The following DNAH11 variants were observed in gnomAD, a reference collection of about 807,000 sequenced individuals.
DNAH11 encodes the protein axonemal beta dynein heavy chain 11.
In DNAH11, 442 loss-of-function variants were observed where a neutral mutation model predicts 526.0. That is an observed-to-expected ratio of 0.84 (90% CI 0.78 to 0.91). The LOEUF (loss-of-function observed/expected upper bound fraction) is 0.91, where lower values mean the gene tolerates loss of function less well. Ranked by LOEUF, DNAH11 falls within the 40% of genes least tolerant of loss-of-function variation. The pLI, the probability that DNAH11 is intolerant of heterozygous loss-of-function variation, is 0.00. For synonymous variants in DNAH11, 2,461 were observed against 1,935.9 expected (o/e 1.27, Z -7.12); for missense variants, 6,989 against 5,448.7 (o/e 1.28, Z -8.90).
At chr7:21,779,703 C>T (rs969107737) in intron 57 of DNAH11, among the ~76,000 whole-genome samples, 2 of 152,138 alleles carry the variant, frequency 1.3e-5, no homozygotes, top group Non-Finnish European at 2.9e-5. Flanking sequence ...TGTCTTTTGT[C>T]ATCTTCTTTT....
intron 54 of DNAH11, among the ~76,000 whole-genome samples, chr7:21,759,369 G>A: frequency 6.6e-6 from 1 of 152,164 alleles, no homozygotes; most frequent in East Asian, 1.9e-4. Flanking sequence ...AAATAAATAA[G>A]AAAATGTACT....
chr7:21,730,506 C>T (rs1314673194), intron 45 of DNAH11, among the ~76,000 whole-genome samples: 3 of 152,204 alleles, frequency 2.0e-5, no homozygotes, highest in Non-Finnish European at 4.4e-5. Context: ...TCAACTTGTA[C>T]CTTTCAGCCT....
intron 8 of DNAH11, among the ~76,000 whole-genome samples, chr7:21,580,962 GTTTGT>G (rs1266475378): frequency 1.3e-5 from 2 of 152,112 alleles, no homozygotes; most frequent in Non-Finnish European, 2.9e-5. Flanking sequence ...ACTTCTCTGA[GTTTGT>G]TTTGTCACCT....
intron 66 of DNAH11, among the ~76,000 whole-genome samples, chr7:21,852,143 G>A (rs568884457): frequency 3.8e-4 from 58 of 152,200 alleles, no homozygotes; most frequent in Non-Finnish European, 7.2e-4. Flanking sequence ...AGTGGCTCAC[G>A]CCTGTAATGG....
At chr7:21,572,282 A>G (rs1783923143) in intron 8 of DNAH11, among the ~76,000 whole-genome samples, 1 of 151,970 alleles carries the variant, frequency 6.6e-6, no homozygotes, top group Admixed American at 6.6e-5. Context: ...TGTCCATGTA[A>G]CTCGTGCTTT....
intron 69 of DNAH11, among the ~76,000 whole-genome samples, chr7:21,862,664 G>A (rs1783109935): frequency 6.6e-6 from 1 of 152,130 alleles, no homozygotes; most frequent in Non-Finnish European, 1.5e-5. Context: ...TTAAAATTAA[G>A]AAAATGACAG....
In DNAH11 at chr7:21,613,107, T is replaced by TA. The variant is rs559502831; in HGVS notation, c.3853-1998dup. On this transcript the variant is annotated intron_variant, in intron 20 of 81. Transcript: ENST00000409508. ...GAAAAGACAAAATGACTATCAGAAG[T>TA]AAAAAAAAATAGTGTGTATTCATAT... is the stretch of plus-strand genomic sequence containing the variant. 4.1e-3 allele frequency among the ~76,000 whole-genome samples: 613 copies of TA among 150,642 alleles called. 3 individuals carry two copies. The highest frequency in any genetic ancestry group is 9.9e-3 in the South Asian group (47 of 4,768).
intron 14 of DNAH11, among the ~76,000 whole-genome samples, chr7:21,597,736 C>G (rs919800874): frequency 1.3e-5 from 2 of 152,202 alleles, no homozygotes; most frequent in Non-Finnish European, 2.9e-5. Flanking sequence ...GATTACAATT[C>G]AAGTTTAGAT....
chr7:21,713,428 T>A (rs767493618), intron 42 of DNAH11, among the ~76,000 whole-genome samples: 3 of 152,188 alleles, frequency 2.0e-5, no homozygotes, highest in Admixed American at 6.5e-5. Flanking sequence ...CATGTCAGGA[T>A]GGCTCTGTCC....
At chr7:21,749,610 C>T in intron 52 of DNAH11, 68 bp from the exon 53 acceptor site, 1 of 1,591,954 alleles carries the variant, frequency 6.3e-7, no homozygotes, top group Non-Finnish European at 8.6e-7. Context: ...CTCCCCAGCA[C>T]TCACACACAA....
At chr7:21,655,213 GGTTC>G (rs1354277747) in intron 28 of DNAH11, among the ~76,000 whole-genome samples, 1 of 152,018 alleles carries the variant, frequency 6.6e-6, no homozygotes, top group Admixed American at 6.6e-5. Context: ...TGGAATTATA[GGTTC>G]ATTGTCTAAC....
At chr7:21,602,113 G>T (rs1785114784) in intron 18 of DNAH11, among the ~76,000 whole-genome samples, 1 of 152,048 alleles carries the variant, frequency 6.6e-6, no homozygotes, top group South Asian at 2.1e-4. Flanking sequence ...GCTGAGGCAG[G>T]CAGATCACCT....
intron 65 of DNAH11, among the ~76,000 whole-genome samples, chr7:21,838,588 T>C (rs191191032): frequency 6.6e-6 from 1 of 152,326 alleles, no homozygotes; most frequent in African/African-American, 2.4e-5. Context: ...TTTCACTTTG[T>C]ACATTTTCAG....
chr7:21,761,679 A>C (rs746142030), intron 54 of DNAH11, among the ~76,000 whole-genome samples: 2 of 152,178 alleles, frequency 1.3e-5, no homozygotes, highest in African/African-American at 2.4e-5. Context: ...GTTCTTTGAC[A>C]ACAACTGGTC....
At position 21,787,703 on chromosome 7, in the gene DNAH11, G is replaced by C. The variant is rs575980450; in HGVS notation, c.9924+120G>C. The C allele has an allele frequency of 1.7e-3, 1,418 of 820,590 alleles. 1 individual carries two copies. Among genetic ancestry groups the C allele is most frequent in the Non-Finnish European group, 2.2e-3 (1,256 of 564,296 alleles). 50.8% of individuals were successfully genotyped at this position (820,590 alleles called of 1,614,324 possible). ...TTCATTTTCTGAATAAGGATATGTA[G>C]TTCTAAGACTAAGACATGAGCATGT... On this transcript the variant is annotated intron_variant, in intron 60 of 81. Coordinates refer to ENST00000409508, the MANE Select transcript of DNAH11 (RefSeq NM_001277115.2).
intron 34 of DNAH11, 47 bp downstream of exon 34, chr7:21,687,574 A>G: frequency 6.3e-7 from 1 of 1,587,500 alleles, no homozygotes; most frequent in Middle Eastern, 1.7e-4. Context: ...AAAAACATGG[A>G]ATAATGCAGG....
intron 24 of DNAH11, among the ~76,000 whole-genome samples, chr7:21,619,567 A>G (rs1785942435): frequency 6.6e-6 from 1 of 152,246 alleles, no homozygotes; most frequent in African/African-American, 2.4e-5. Flanking sequence ...AAACTGAGGT[A>G]TAAAGAGATA....
chr7:21,895,615 G>C (rs1784483308), intron 79 of DNAH11, among the ~76,000 whole-genome samples: 1 of 152,120 alleles, frequency 6.6e-6, no homozygotes, highest in African/African-American at 2.4e-5. Flanking sequence ...TGGCTTTTTG[G>C]TGCTGAGTTT....
At chr7:21,550,641 A>G (rs1305460339) in intron 2 of DNAH11, among the ~76,000 whole-genome samples, 5 of 152,168 alleles carry the variant, frequency 3.3e-5, no homozygotes. Flanking sequence ...GGGGATGCCA[A>G]GGGGTGAGAT....
Sources: gnomAD v4.1 joint callset for allele counts (sites outside exome capture counted in the v4.1 genomes callset) on GRCh38, gnomAD v4.1.1 for gene constraint, MANE v1.5 for transcripts, NCBI Gene and HGNC (gene_info 2026-07-23, HGNC 2026-07-21) for gene names.